The following CHRM3 variants were observed in gnomAD, a reference collection of about 807,000 sequenced individuals.
CHRM3 encodes the protein cholinergic receptor muscarinic 3.
CHRM3 carries 11 observed loss-of-function variants against 41.8 expected under a neutral mutation model. The observed-to-expected ratio is 0.26, with a 90% CI of 0.17 to 0.44. The LOEUF (loss-of-function observed/expected upper bound fraction) is 0.44, where lower values mean the gene tolerates loss of function less well. Among genes scored for constraint, CHRM3 ranks in the 20% least tolerant of loss-of-function variants. The probability of loss-of-function intolerance (pLI) is 1.00; values close to 1 mark genes in which losing one functional copy is unlikely to be tolerated. For missense variants in CHRM3, 571 were observed against 745.4 expected, an observed-to-expected ratio of 0.77 and a Z score of 2.72; for synonymous variants, 297 against 301.4, an observed-to-expected ratio of 0.99 and a Z score of 0.15.
intron 5 of CHRM3, among the ~76,000 whole-genome samples, chr1:239,800,201 C>G (rs1213356021): frequency 1.3e-5 from 2 of 152,104 alleles, no homozygotes; most frequent in Admixed American, 6.6e-5. Context: ...GATCATTAGT[C>G]TTCTTTGTGT....
At position 239,887,724 on chromosome 1, in the gene CHRM3, A is replaced by C. The variant is rs78303196; in HGVS notation, c.-19-19709A>C. The stretch of plus-strand genomic sequence containing the variant: ...TCTTTAGTTAGTCATTCAGTATACA[A>C]GTTTTTTAAAGTGTCGGTTTCTCAG... On this transcript the variant is annotated intron_variant, in intron 6 of 6. Transcript: ENST00000676153. Among the ~76,000 whole-genome samples the C allele has an allele frequency of 1.3e-3, 205 of 152,304 alleles. 2 individuals carry two copies. The highest frequency in any genetic ancestry group is 4.8e-3 in the African/African-American group (198 of 41,558).
At chr1:239,729,164 C>T (rs745334059) in intron 5 of CHRM3, among the ~76,000 whole-genome samples, 6 of 151,904 alleles carry the variant, frequency 3.9e-5, no homozygotes, top group Non-Finnish European at 8.8e-5. Context: ...ATTCACTACC[C>T]CTTGCTCATC....
intron 2 of CHRM3, among the ~76,000 whole-genome samples, chr1:239,536,984 T>TG (rs1277820671): frequency 6.6e-6 from 1 of 152,224 alleles, no homozygotes; most frequent in Non-Finnish European, 1.5e-5. Context: ...TTTCTTTCCT[T>TG]GGCTTCAAAG....
At chr1:239,438,532 A>C (rs1306136805) in intron 1 of CHRM3, among the ~76,000 whole-genome samples, 1 of 152,238 alleles carries the variant, frequency 6.6e-6, no homozygotes, top group Non-Finnish European at 1.5e-5. Context: ...GATACACCAC[A>C]GCTTATCGTA....
chr1:239,671,348 G>A (rs1674347787), intron 4 of CHRM3, among the ~76,000 whole-genome samples: 1 of 152,210 alleles, frequency 6.6e-6, no homozygotes, highest in South Asian at 2.1e-4. Flanking sequence ...AGACCGTACA[G>A]AGAGGATCAC....
At chr1:239,575,069 T>C (rs1412621663) in intron 3 of CHRM3, among the ~76,000 whole-genome samples, 2 of 152,202 alleles carry the variant, frequency 1.3e-5, no homozygotes, top group Non-Finnish European at 2.9e-5. Context: ...AAAATAAATA[T>C]GTTGGTAGAG....
At chr1:239,390,957 C>T (rs990413392) in intron 1 of CHRM3, among the ~76,000 whole-genome samples, 12 of 152,130 alleles carry the variant, frequency 7.9e-5, no homozygotes, top group African/African-American at 2.7e-4. Flanking sequence ...GGCAACATAG[C>T]CAGACCCCAT....
intron 1 of CHRM3, among the ~76,000 whole-genome samples, chr1:239,404,469 A>G (rs1390628300): frequency 3.5e-5 from 3 of 86,262 alleles, no homozygotes; most frequent in African/African-American, 1.1e-4. Flanking sequence ...AAAGAAAGAA[A>G]AAGAAAGAAA....
chr1:239,695,290 G>A (rs1198383021), intron 5 of CHRM3, among the ~76,000 whole-genome samples: 1 of 152,146 alleles, frequency 6.6e-6, no homozygotes, highest in Non-Finnish European at 1.5e-5. Flanking sequence ...GATTACAGGT[G>A]TGAGCCACTG....
chr1:239,519,940 G>A (rs142469843), intron 2 of CHRM3, among the ~76,000 whole-genome samples: 1 of 151,558 alleles, frequency 6.6e-6, no homozygotes, highest in Non-Finnish European at 1.5e-5. Context: ...GTAGAGACGG[G>A]GTTTCCCCGT....
chr1:239,677,004 C>T (rs1410424000), intron 4 of CHRM3, among the ~76,000 whole-genome samples: 1 of 152,172 alleles, frequency 6.6e-6, no homozygotes, highest in Non-Finnish European at 1.5e-5. Context: ...TGCATGGGAG[C>T]ATGACGGCTA....
At chr1:239,546,941 C>A (rs2148418318) in intron 3 of CHRM3, among the ~76,000 whole-genome samples, 1 of 152,220 alleles carries the variant, frequency 6.6e-6, no homozygotes, top group East Asian at 1.9e-4. Flanking sequence ...GAGAATACAG[C>A]TAGCTTGTTT....
At chr1:239,690,719 G>T (rs1441314447) in intron 5 of CHRM3, among the ~76,000 whole-genome samples, 2 of 151,934 alleles carry the variant, frequency 1.3e-5, no homozygotes, top group Non-Finnish European at 2.9e-5. Flanking sequence ...TTCTCTGCTT[G>T]GGAAAAGATC....
chr1:239,718,747 A>G (rs1662644054), intron 5 of CHRM3: 1 of 152,046 alleles, frequency 6.6e-6, no homozygotes, highest in Non-Finnish European at 1.5e-5. Flanking sequence ...AGTAACCACT[A>G]GTAGCAATTT....
intron 3 of CHRM3, among the ~76,000 whole-genome samples, chr1:239,623,382 G>A (rs1043833215): frequency 1.3e-5 from 2 of 151,024 alleles, no homozygotes; most frequent in Non-Finnish European, 2.9e-5. Context: ...TTGTCCTTGC[G>A]ATAGTTTGCT....
intron 1 of CHRM3, among the ~76,000 whole-genome samples, chr1:239,471,074 A>G (rs981512345): frequency 4.6e-5 from 7 of 152,238 alleles, no homozygotes; most frequent in East Asian, 3.8e-4. Context: ...TTCCTGTTGC[A>G]TATACAAAAA....
rs10925998 is a variant in CHRM3, at chr1:239,874,321, A to C, written c.-19-33112A>C. Among the ~76,000 whole-genome samples, 245 of 103,716 alleles carry C rather than the reference A, an allele frequency of 2.4e-3. 7 individuals carry two copies. The highest frequency in any genetic ancestry group is 4.3e-3 in the Non-Finnish European group (206 of 47,476). 68.0% of individuals were successfully genotyped at this position (103,716 alleles called of 152,430 possible). ...TATATATATATATATATATATATAT[A>C]TATATACACAGTTGACCCTCGAACA... On this transcript the variant is annotated intron_variant, in intron 6 of 6. Coordinates refer to ENST00000676153, the MANE Select transcript of CHRM3 (RefSeq NM_001375978.1).
intron 5 of CHRM3, among the ~76,000 whole-genome samples, chr1:239,769,082 C>T (rs525389): frequency 0.74 from 111,925 of 150,556 alleles, 42,013 homozygotes; most frequent in African/African-American, 0.8. Flanking sequence ...CTTTTTTTTT[C>T]TTCAGAATAT....
intron 6 of CHRM3, among the ~76,000 whole-genome samples, chr1:239,852,233 TC>T (rs1674753913): frequency 6.6e-6 from 1 of 152,066 alleles, no homozygotes; most frequent in Non-Finnish European, 1.5e-5. Context: ...AAATGAAAAA[TC>T]TATGTTTGTT....
Sources: allele counts gnomAD v4.1 joint callset (sites outside exome capture counted in the v4.1 genomes callset), GRCh38; gene constraint gnomAD v4.1.1; transcripts MANE v1.5; gene names NCBI Gene and HGNC (gene_info 2026-07-23, HGNC 2026-07-21).